LYPD6B: variants seen among roughly 807,000 people sequenced by gnomAD.
LYPD6B encodes ly6/PLAUR domain-containing protein 6B.
Under a neutral mutation model 22.8 loss-of-function variants are expected in LYPD6B, and 17 were observed. The ratio of observed to expected loss-of-function variants is 0.75; its 90% CI spans 0.51 to 1.12. The LOEUF (loss-of-function observed/expected upper bound fraction) is 1.12. LYPD6B is among the 50% of genes most tolerant of loss of function. The probability of loss-of-function intolerance (pLI) is 0.00; values close to 1 mark genes in which losing one functional copy is unlikely to be tolerated. For missense variants in LYPD6B, 221 were observed against 258.3 expected, an observed-to-expected ratio of 0.86 and a Z score of 0.99; for synonymous variants, 106 against 91.6, an observed-to-expected ratio of 1.16 and a Z score of -0.90.
chr2:149,108,036 T>A (rs1476744086), intron 1 of LYPD6B, among the ~76,000 whole-genome samples: 1 of 152,170 alleles, frequency 6.6e-6, no homozygotes, highest in Non-Finnish European at 1.5e-5. Context: ...TCACCTTGAA[T>A]TCCCATGTGT....
intron 1 of LYPD6B, among the ~76,000 whole-genome samples, chr2:149,043,372 A>C (rs1159750848): frequency 2.0e-5 from 3 of 152,202 alleles, no homozygotes; most frequent in Non-Finnish European, 4.4e-5. Context: ...GTTAAATAAT[A>C]TGCTACAGAT....
chr2:149,211,237 T>G (rs982829082), intron 5 of LYPD6B, among the ~76,000 whole-genome samples: 1 of 152,126 alleles, frequency 6.6e-6, no homozygotes, highest in African/African-American at 2.4e-5. Flanking sequence ...CTCTCCAACA[T>G]GGGGGCTCAC....
At chr2:149,140,700 C>G (rs1688643288) in intron 2 of LYPD6B, among the ~76,000 whole-genome samples, 2 of 152,186 alleles carry the variant, frequency 1.3e-5, no homozygotes, top group South Asian at 4.1e-4. Flanking sequence ...AAGGTTTTCC[C>G]TCACTTTTAT....
At chr2:149,165,796 T>C (rs1690381324) in intron 3 of LYPD6B, among the ~76,000 whole-genome samples, 1 of 152,186 alleles carries the variant, frequency 6.6e-6, no homozygotes. Flanking sequence ...CTCAAGTTAA[T>C]GGAAATTACA....
chr2:149,098,440 C>T lies in LYPD6B; in HGVS notation c.-66-32443C>T, dbSNP rs768412560. Among the ~76,000 whole-genome samples, 9 of 151,972 alleles carry T rather than the reference C, an allele frequency of 5.9e-5. No individual in the cohort carries two copies. The South Asian group carries it at 8.3e-4, about 14-fold the overall frequency. On this transcript the variant is annotated intron_variant, in intron 1 of 6. Transcript: ENST00000409642. Reference sequence around the variant, plus strand: ...AGGAGTTCAAGACCAGCCTGGGAAACATGGTGAAACCCTGTCTCTACTAAA... The same window carrying T: ...AGGAGTTCAAGACCAGCCTGGGAAATATGGTGAAACCCTGTCTCTACTAAA...
chr2:149,067,902 C>G (rs1684415419), intron 1 of LYPD6B, among the ~76,000 whole-genome samples: 1 of 152,144 alleles, frequency 6.6e-6, no homozygotes. Context: ...GGTAGAAAAG[C>G]TTTTGCTTTG....
At chr2:149,141,055 T>A (rs908674192) in intron 2 of LYPD6B, among the ~76,000 whole-genome samples, 1 of 152,176 alleles carries the variant, frequency 6.6e-6, no homozygotes, top group Non-Finnish European at 1.5e-5. Context: ...TACCTTCTAA[T>A]GTGAGAGGCC....
chr2:149,108,444 A>G (rs1686603190), intron 1 of LYPD6B, among the ~76,000 whole-genome samples: 1 of 152,212 alleles, frequency 6.6e-6, no homozygotes, highest in Non-Finnish European at 1.5e-5. Context: ...TCTTTATGAA[A>G]TGGCTATTTT....
chr2:149,055,839 T>C (rs1373559269), intron 1 of LYPD6B, among the ~76,000 whole-genome samples: 3 of 152,218 alleles, frequency 2.0e-5, no homozygotes, highest in Non-Finnish European at 4.4e-5. Context: ...TACTTCTTTC[T>C]TCCAATCTGA....
intron 1 of LYPD6B, among the ~76,000 whole-genome samples, chr2:149,117,772 A>C (rs1437773375): frequency 6.6e-6 from 1 of 152,186 alleles, no homozygotes; most frequent in Non-Finnish European, 1.5e-5. Context: ...TATAATAATC[A>C]TCTATTGCTA....
rs563520499 is a variant in LYPD6B at position 149,096,550 on chromosome 2, T to G, written c.-66-34333T>G. 7.2e-5 allele frequency among the ~76,000 whole-genome samples: 11 copies of G among 152,344 alleles called. No individual in the cohort carries two copies. In the South Asian group the frequency reaches 2.3e-3, roughly 32 times the overall value. Reference sequence around the variant, plus strand: ...GAGCCACATTAATCATTACTTAATATTAATATGGAAATGAGTTTACTCTGT... The same window carrying G: ...GAGCCACATTAATCATTACTTAATAGTAATATGGAAATGAGTTTACTCTGT... On this transcript the variant is annotated intron_variant, in intron 1 of 6. Transcript: ENST00000409642.
intron 3 of LYPD6B, among the ~76,000 whole-genome samples, chr2:149,173,333 C>G (rs530375298): frequency 8.9e-4 from 89 of 100,198 alleles, no homozygotes; most frequent in African/African-American, 2.9e-3. Flanking sequence ...CAGCTTGATG[C>G]TTTAGTCTGT....
At chr2:149,096,847 A>T (rs993851374) in intron 1 of LYPD6B, among the ~76,000 whole-genome samples, 1 of 152,226 alleles carries the variant, frequency 6.6e-6, no homozygotes, top group Non-Finnish European at 1.5e-5. Flanking sequence ...AAGATGAAGA[A>T]AAAGAAAGAT....
intron 2 of LYPD6B, chr2:149,143,890 G>T (rs1575055960): frequency 6.6e-6 from 1 of 152,194 alleles, no homozygotes; most frequent in Non-Finnish European, 1.5e-5. Flanking sequence ...AGTTGGCAAA[G>T]AAAGGATTCT....
At chr2:149,174,686 A>G (rs1330013075) in intron 3 of LYPD6B, among the ~76,000 whole-genome samples, 1 of 151,890 alleles carries the variant, frequency 6.6e-6, no homozygotes, top group Admixed American at 6.6e-5. Flanking sequence ...GAATCGCATT[A>G]ATTGATTTGT....
At chr2:149,079,668 G>A (rs1043904848) in intron 1 of LYPD6B, among the ~76,000 whole-genome samples, 4 of 151,976 alleles carry the variant, frequency 2.6e-5, no homozygotes, top group Non-Finnish European at 5.9e-5. Flanking sequence ...AGATTCAGGC[G>A]TTTGAAGAAT....
chr2:149,212,291 A>G (rs1693908262), intron 5 of LYPD6B, among the ~76,000 whole-genome samples: 1 of 143,694 alleles, frequency 7.0e-6, no homozygotes, highest in Non-Finnish European at 1.5e-5. Flanking sequence ...TTGAGGAAGG[A>G]GAATGGTGTG....
intron 2 of LYPD6B, among the ~76,000 whole-genome samples, chr2:149,143,513 CAAAAAAAAA>C (rs201618713): frequency 3.1e-5 from 4 of 129,780 alleles, no homozygotes; most frequent in Admixed American, 7.8e-5. Flanking sequence ...ACATGTGACG[CAAAAAAAAA>C]AAAAAAAAAA....
chr2:149,208,496 A>C (rs1444782126), intron 5 of LYPD6B, 84 bp downstream of exon 5: 1 of 1,155,600 alleles, frequency 8.7e-7, no homozygotes, highest in African/African-American at 1.5e-5. Context: ...TAGGAATCAG[A>C]TGTATTTTTT....
Sources: allele counts gnomAD v4.1 joint callset (sites outside exome capture counted in the v4.1 genomes callset), GRCh38; gene constraint gnomAD v4.1.1; transcripts MANE v1.5; gene names NCBI Gene and HGNC (gene_info 2026-07-23, HGNC 2026-07-21).